The following MBD5 variants were observed in gnomAD, a reference collection of about 807,000 sequenced individuals.
MBD5 encodes the protein methyl-CpG-binding domain protein 5.
A neutral mutation model predicts 117.3 loss-of-function variants in MBD5; 13 were observed. The observed-to-expected ratio is 0.11, with a 90% CI of 0.07 to 0.18. The LOEUF is 0.18. Among genes scored for constraint, MBD5 ranks in the 10% least tolerant of loss-of-function variants. The pLI, the probability that MBD5 is intolerant of heterozygous loss-of-function variation, is 1.00. For missense variants in MBD5, 1,879 were observed against 2,093.8 expected (o/e 0.90, Z 2.00); for synonymous variants, 727 against 766.4 (o/e 0.95, Z 0.85).
At chr2:148,471,290 A>G (rs1036524493) in intron 8 of MBD5, 5 of 152,170 alleles carry the variant, frequency 3.3e-5, no homozygotes, top group African/African-American at 9.6e-5. Flanking sequence ...ATTTTGTGCA[A>G]TAGAGTCCTC....
intron 3 of MBD5, among the ~76,000 whole-genome samples, chr2:148,298,249 A>T (rs937871412): frequency 6.6e-6 from 1 of 152,216 alleles, no homozygotes; most frequent in Non-Finnish European, 1.5e-5. Context: ...TACATCTGCA[A>T]TACATAGCTG....
At chr2:148,497,259 T>G (rs1681730540) in intron 11 of MBD5, among the ~76,000 whole-genome samples, 1 of 152,094 alleles carries the variant, frequency 6.6e-6, no homozygotes, top group Non-Finnish European at 1.5e-5. Flanking sequence ...TAGGCACAAA[T>G]GTACTAGGCA....
At chr2:148,431,681 A>G (rs1036861728) in intron 4 of MBD5, among the ~76,000 whole-genome samples, 1 of 152,156 alleles carries the variant, frequency 6.6e-6, no homozygotes, top group East Asian at 1.9e-4. Flanking sequence ...AATGGCCTGC[A>G]GCTCCATCCA....
At chr2:148,165,075 AAAG>A (rs1198685693) in intron 1 of MBD5, among the ~76,000 whole-genome samples, 1 of 152,198 alleles carries the variant, frequency 6.6e-6, no homozygotes, top group African/African-American at 2.4e-5. Context: ...CTTTATCATC[AAAG>A]AAGAATAAAA....
intron 4 of MBD5, chr2:148,346,617 T>A (rs917479372): frequency 6.6e-6 from 1 of 151,936 alleles, no homozygotes; most frequent in African/African-American, 2.4e-5. Flanking sequence ...AATTTTAAGT[T>A]CTTTTATGAA....
intron 1 of MBD5, among the ~76,000 whole-genome samples, chr2:148,099,202 G>A (rs1231949163): frequency 6.6e-6 from 1 of 152,156 alleles, no homozygotes; most frequent in Non-Finnish European, 1.5e-5. Flanking sequence ...AGCTGCTAAT[G>A]AGTAATGAAC....
chr2:148,299,423 T>C (rs1701731567), intron 3 of MBD5, among the ~76,000 whole-genome samples: 1 of 71,816 alleles, frequency 1.4e-5, no homozygotes, highest in African/African-American at 4.1e-5. Flanking sequence ...CCACCATGCC[T>C]GGCCTAAAGA....
intron 3 of MBD5, among the ~76,000 whole-genome samples, chr2:148,306,509 A>G (rs781077213): frequency 6.6e-6 from 1 of 152,228 alleles, no homozygotes; most frequent in African/African-American, 2.4e-5. Context: ...ACTCAATAAT[A>G]GTATCCATAT....
chr2:148,451,990 C>A (rs937538712), intron 4 of MBD5, among the ~76,000 whole-genome samples: 1 of 152,086 alleles, frequency 6.6e-6, no homozygotes, highest in Non-Finnish European at 1.5e-5. Context: ...ATCCACTGAG[C>A]ACAAGATCAT....
At chr2:148,128,653 C>G (rs1376844677) in intron 1 of MBD5, among the ~76,000 whole-genome samples, 1 of 152,122 alleles carries the variant, frequency 6.6e-6, no homozygotes, top group Admixed American at 6.5e-5. Context: ...TCCAACATGA[C>G]TATATGGTAG....
At chr2:148,392,845 A>C in intron 4 of MBD5, among the ~76,000 whole-genome samples, 1 of 152,124 alleles carries the variant, frequency 6.6e-6, no homozygotes, top group East Asian at 1.9e-4. Flanking sequence ...TGAGCTTAGG[A>C]ATTATTTTCT....
intron 4 of MBD5, among the ~76,000 whole-genome samples, chr2:148,370,498 T>TATTA (rs1449444502): frequency 6.6e-6 from 1 of 152,076 alleles, no homozygotes; most frequent in African/African-American, 2.4e-5. Flanking sequence ...TTTATTTATT[T>TATTA]ATTATTTACT....
intron 3 of MBD5, among the ~76,000 whole-genome samples, chr2:148,329,292 A>G (rs1702568089): frequency 6.6e-6 from 1 of 152,250 alleles, no homozygotes; most frequent in African/African-American, 2.4e-5. Flanking sequence ...GTGCCAGTCA[A>G]ATTAATCCTA....
At chr2:148,087,932 A>T (rs1409014298) in intron 1 of MBD5, among the ~76,000 whole-genome samples, 1 of 152,196 alleles carries the variant, frequency 6.6e-6, no homozygotes, top group Non-Finnish European at 1.5e-5. Flanking sequence ...GAGATACCAG[A>T]GAAAGGTGAA....
intron 3 of MBD5, among the ~76,000 whole-genome samples, chr2:148,294,498 A>C (rs1701588870): frequency 2.3e-5 from 1 of 42,620 alleles, no homozygotes; most frequent in African/African-American, 1.0e-4. Context: ...TGCTGGGATT[A>C]CAGTTTTTTT....
intron 2 of MBD5, among the ~76,000 whole-genome samples, chr2:148,228,691 C>T (rs867940501): frequency 2.0e-5 from 3 of 152,178 alleles, no homozygotes; most frequent in Non-Finnish European, 2.9e-5. Context: ...ATGGTACCAG[C>T]TCCTCCTTGT....
intron 3 of MBD5, among the ~76,000 whole-genome samples, chr2:148,282,221 A>G (rs185783307): frequency 6.6e-6 from 1 of 152,322 alleles, no homozygotes; most frequent in East Asian, 1.9e-4. Context: ...AACAGTTTGC[A>G]CATACATATT....
At chr2:148,116,437 A>G (rs1558932314) in intron 1 of MBD5, among the ~76,000 whole-genome samples, 1 of 152,174 alleles carries the variant, frequency 6.6e-6, no homozygotes, top group Non-Finnish European at 1.5e-5. Context: ...CAAACATGTG[A>G]AAACTAAGCA....
chr2:148,116,878 T>C (rs1338449829), intron 1 of MBD5, among the ~76,000 whole-genome samples: 1 of 152,220 alleles, frequency 6.6e-6, no homozygotes, highest in East Asian at 1.9e-4. Flanking sequence ...GTAAGTCTGA[T>C]TGCAGGGGTT....
Sources: allele counts gnomAD v4.1 joint callset (sites outside exome capture counted in the v4.1 genomes callset), GRCh38; gene constraint gnomAD v4.1.1; transcripts MANE v1.5; gene names NCBI Gene and HGNC (gene_info 2026-07-23, HGNC 2026-07-21).